GABRG3: variants seen among roughly 807,000 people sequenced by gnomAD.
GABRG3 encodes the protein gamma-aminobutyric acid receptor subunit gamma-3.
In GABRG3, 25 loss-of-function variants were observed where a neutral mutation model predicts 48.8. The ratio of observed to expected loss-of-function variants is 0.51; its 90% CI spans 0.37 to 0.72. GABRG3 has a LOEUF of 0.72. Ranked by LOEUF, GABRG3 falls within the 30% of genes least tolerant of loss-of-function variation. GABRG3 has a pLI of 0.00. For synonymous variants in GABRG3, 227 were observed against 217.6 expected, an observed-to-expected ratio of 1.04 and a Z score of -0.38; for missense variants, 394 against 577.9, an observed-to-expected ratio of 0.68 and a Z score of 3.26.
chr15:27,335,331 G>C (rs1893928588), intron 5 of GABRG3, among the ~76,000 whole-genome samples: 1 of 152,110 alleles, frequency 6.6e-6, no homozygotes, highest in South Asian at 2.1e-4. Context: ...TTTCACAGCA[G>C]CTGCACCACT....
At chr15:27,204,680 GT>G in intron 3 of GABRG3, among the ~76,000 whole-genome samples, 1 of 152,178 alleles carries the variant, frequency 6.6e-6, no homozygotes, top group Non-Finnish European at 1.5e-5. Flanking sequence ...AGCATAGAAT[GT>G]TTTTTCATTT....
At chr15:27,156,285 C>T (rs969532093) in intron 3 of GABRG3, among the ~76,000 whole-genome samples, 2 of 113,178 alleles carry the variant, frequency 1.8e-5, no homozygotes, top group African/African-American at 7.3e-5. Flanking sequence ...AGTGACAGAG[C>T]GACACTCTGT....
chr15:27,507,686 G>T (rs1034450060), intron 6 of GABRG3, among the ~76,000 whole-genome samples: 2 of 152,046 alleles, frequency 1.3e-5, no homozygotes, highest in African/African-American at 4.8e-5. Flanking sequence ...TGGTTGATAC[G>T]ATTGTTCAAG....
chr15:27,308,446 C>T (rs1566774170), intron 3 of GABRG3, among the ~76,000 whole-genome samples: 2 of 141,964 alleles, frequency 1.4e-5, no homozygotes, highest in African/African-American at 5.5e-5. Flanking sequence ...TTTATATAAA[C>T]ATATGCAAAC....
chr15:27,007,343 A>T (rs192860402), intron 2 of GABRG3, among the ~76,000 whole-genome samples: 1 of 152,202 alleles, frequency 6.6e-6, no homozygotes, highest in East Asian at 1.9e-4. Flanking sequence ...CTCTCAAAGT[A>T]TTGGGATTAT....
intron 3 of GABRG3, among the ~76,000 whole-genome samples, chr15:27,262,348 T>C (rs1046321902): frequency 3.9e-5 from 6 of 152,136 alleles, no homozygotes; most frequent in Non-Finnish European, 8.8e-5. Context: ...ATGGTAAGAG[T>C]GCTATGTCCA....
At chr15:27,184,269 G>A (rs778692453) in intron 3 of GABRG3, among the ~76,000 whole-genome samples, 1 of 152,206 alleles carries the variant, frequency 6.6e-6, no homozygotes, top group Non-Finnish European at 1.5e-5. Flanking sequence ...TCTCCAGGCT[G>A]AGAAGGATAT....
At chr15:27,264,324 A>G (rs1180387172) in intron 3 of GABRG3, among the ~76,000 whole-genome samples, 4 of 152,156 alleles carry the variant, frequency 2.6e-5, no homozygotes. Context: ...AAACCCAATT[A>G]CCCTAAACTA....
chr15:27,260,405 T>A (rs1890735423), intron 3 of GABRG3, among the ~76,000 whole-genome samples: 1 of 152,170 alleles, frequency 6.6e-6, no homozygotes, highest in East Asian at 1.9e-4. Context: ...CATGGGGGCA[T>A]AGGACTTCAG....
chr15:27,034,184 A>C (rs117236639), intron 3 of GABRG3, among the ~76,000 whole-genome samples: 13 of 152,192 alleles, frequency 8.5e-5, no homozygotes, highest in Non-Finnish European at 1.6e-4. Flanking sequence ...GATGTTTTCT[A>C]TTCTCGAAAA....
chr15:27,270,809 C>T (rs1450431511), intron 3 of GABRG3, among the ~76,000 whole-genome samples: 3 of 152,146 alleles, frequency 2.0e-5, no homozygotes, highest in Admixed American at 6.5e-5. Context: ...ACAGCTTATA[C>T]GTGCACTGAA....
chr15:27,001,001 C>T (rs181926653), intron 2 of GABRG3, among the ~76,000 whole-genome samples: 7 of 152,212 alleles, frequency 4.6e-5, no homozygotes, highest in African/African-American at 1.2e-4. Context: ...TGGATGGTTA[C>T]AAGTAGTCTT....
At chr15:27,258,650 CAG>C (rs1432046655) in intron 3 of GABRG3, among the ~76,000 whole-genome samples, 1 of 152,202 alleles carries the variant, frequency 6.6e-6, no homozygotes, top group Non-Finnish European at 1.5e-5. Context: ...TTACAGGATA[CAG>C]AGTGATATTC....
intron 5 of GABRG3, among the ~76,000 whole-genome samples, chr15:27,475,589 G>A (rs1255622479): frequency 6.6e-6 from 1 of 151,936 alleles, no homozygotes; most frequent in East Asian, 1.9e-4. Flanking sequence ...TGATGGTGAT[G>A]ACATTGGTGA....
At chr15:27,114,976 C>T (rs1450196625) in intron 3 of GABRG3, among the ~76,000 whole-genome samples, 2 of 151,914 alleles carry the variant, frequency 1.3e-5, no homozygotes, top group Non-Finnish European at 2.9e-5. Context: ...TGCTATTGGT[C>T]CTTGAATTCT....
chr15:27,371,538 A>G (rs1895415141), intron 5 of GABRG3, among the ~76,000 whole-genome samples: 1 of 152,218 alleles, frequency 6.6e-6, no homozygotes, highest in Admixed American at 6.5e-5. Flanking sequence ...TATCTAGTTA[A>G]TAATGCAAAT....
intron 3 of GABRG3, among the ~76,000 whole-genome samples, chr15:27,027,461 C>T (rs546151618): frequency 6.6e-6 from 1 of 152,366 alleles, no homozygotes; most frequent in East Asian, 1.9e-4. Flanking sequence ...CCTGTGCTCC[C>T]TGCTGCACAT....
At chr15:26,986,415 C>G (rs1015017681) in intron 2 of GABRG3, among the ~76,000 whole-genome samples, 12 of 152,102 alleles carry the variant, frequency 7.9e-5, no homozygotes, top group African/African-American at 2.7e-4. Context: ...AGTAGACATC[C>G]AAAGGCCGCC....
intron 3 of GABRG3, among the ~76,000 whole-genome samples, chr15:27,287,737 CTTTTTTTTT>C (rs61469529): frequency 8.1e-6 from 1 of 123,282 alleles, no homozygotes; most frequent in Non-Finnish European, 1.7e-5. Flanking sequence ...TTTGCTGTGT[CTTTTTTTTT>C]TTTTTTTTTT....
Sources: gnomAD v4.1 joint callset for allele counts (sites outside exome capture counted in the v4.1 genomes callset) on GRCh38, gnomAD v4.1.1 for gene constraint, MANE v1.5 for transcripts, NCBI Gene and HGNC (gene_info 2026-07-23, HGNC 2026-07-21) for gene names.